Variants in OLA1 observed in about 807,000 individuals in gnomAD.
OLA1 encodes Obg like ATPase 1.
Under a neutral mutation model 48.4 loss-of-function variants are expected in OLA1, and 14 were observed. That is an observed-to-expected ratio of 0.29 (90% CI 0.19 to 0.45). The LOEUF is 0.45. Ranked by LOEUF, OLA1 falls within the 20% of genes least tolerant of loss-of-function variation. The pLI, the probability that OLA1 is intolerant of heterozygous loss-of-function variation, is 1.00. For missense variants in OLA1, 325 were observed against 467.1 expected (o/e 0.70, Z 2.80); for synonymous variants, 127 against 150.4 (o/e 0.84, Z 1.14).
At chr2:174,231,900 G>C (rs1361386120) in intron 2 of OLA1, among the ~76,000 whole-genome samples, 15 of 152,202 alleles carry the variant, frequency 9.9e-5, no homozygotes. Flanking sequence ...CAAAGAATTT[G>C]AAAGTTTTGG....
chr2:174,123,986 T>C (rs1339481066), intron 5 of OLA1, among the ~76,000 whole-genome samples: 1 of 152,156 alleles, frequency 6.6e-6, no homozygotes, highest in African/African-American at 2.4e-5. Flanking sequence ...TACCTAGTGA[T>C]GCCATATAGA....
intron 4 of OLA1, among the ~76,000 whole-genome samples, chr2:174,152,788 C>G (rs10497416): frequency 0.012 from 1,886 of 152,174 alleles, 45 homozygotes; most frequent in African/African-American, 0.043. Context: ...AGATATCAAT[C>G]AAAAGTAACT....
intron 4 of OLA1, among the ~76,000 whole-genome samples, chr2:174,186,593 G>A (rs1687660082): frequency 6.6e-6 from 1 of 152,146 alleles, no homozygotes; most frequent in South Asian, 2.1e-4. Flanking sequence ...AAAATGGCAC[G>A]TGTTGTACAG....
chr2:174,188,874 T>A (rs1049769933), intron 4 of OLA1, among the ~76,000 whole-genome samples: 1 of 152,224 alleles, frequency 6.6e-6, no homozygotes, highest in Non-Finnish European at 1.5e-5. Context: ...ATTATGTATA[T>A]GCAAATGTTC....
At chr2:174,247,848 C>T (rs1689161609) in intron 1 of OLA1, 1 of 1,497,302 alleles carries the variant, frequency 6.7e-7, no homozygotes, top group African/African-American at 1.4e-5. Context: ...CTAGTTCTGT[C>T]TCCAAATCAT....
intron 7 of OLA1, among the ~76,000 whole-genome samples, chr2:174,108,538 C>T (rs762523577): frequency 1.3e-5 from 2 of 152,140 alleles, no homozygotes; most frequent in African/African-American, 2.4e-5. Context: ...ATTATTCATA[C>T]ACCAAACCAC....
intron 7 of OLA1, among the ~76,000 whole-genome samples, chr2:174,082,432 A>G (rs1053516859): frequency 8.5e-5 from 13 of 152,202 alleles, no homozygotes; most frequent in Non-Finnish European, 1.5e-4. Flanking sequence ...AAAAGAAGAC[A>G]TAAAGTTCTG....
At position 174,229,417 on chromosome 2, in the gene OLA1, G is replaced by T; in HGVS notation, c.136C>A (p.Gln46Lys). ...AACGGGAAGTTTTCTGCTGAAGCCT[G>T]ACTATTGGTTAACACATTGAAGAAA... ...STFFNVLTNS[Q>K]ASAENFPFCT... is the part of the protein sequence containing the mutation. The change falls in exon 3 of 11, where the codon CAG (glutamine) becomes AAG (lysine). Residue 46 changes from glutamine (Q) to lysine (K), a missense_variant. By Grantham distance (53) the Gln-to-Lys change is moderately conservative. Transcript: ENST00000284719. 1 of 1,613,238 alleles carries T rather than the reference G, an allele frequency of 6.2e-7. No individual in the cohort carries two copies. The highest frequency in any genetic ancestry group is 1.1e-5 in the South Asian group (1 of 90,958).
At chr2:174,136,359 C>T (rs1169719728) in intron 5 of OLA1, among the ~76,000 whole-genome samples, 2 of 152,250 alleles carry the variant, frequency 1.3e-5, no homozygotes, top group Non-Finnish European at 2.9e-5. Flanking sequence ...ATTCTAAATC[C>T]TTTGTTGTCA....
chr2:174,234,930 G>A (rs1025114515), intron 2 of OLA1, among the ~76,000 whole-genome samples: 19 of 152,254 alleles, frequency 1.2e-4, no homozygotes, highest in African/African-American at 4.3e-4. Flanking sequence ...AGGCAGAGGC[G>A]GGCAGATCAC....
intron 4 of OLA1, among the ~76,000 whole-genome samples, chr2:174,163,754 AT>A (rs1157393493): frequency 4.4e-5 from 2 of 45,468 alleles, no homozygotes; most frequent in Non-Finnish European, 8.7e-5. Context: ...ATATATATAT[AT>A]ATATATATAT....
chr2:174,112,987 C>T lies in OLA1; in HGVS notation c.728+10193G>A, dbSNP rs541491961. 7.9e-5 allele frequency among the ~76,000 whole-genome samples: 12 copies of T among 152,252 alleles called. No homozygotes were observed. In the South Asian group the frequency reaches 2.5e-3, roughly 32 times the overall value. ...TGGAGATTCACTCTTGTTGCCCAGG[C>T]TGGAGTGCAATGGCATGATCTTGAC... On this transcript the variant is annotated intron_variant, in intron 7 of 10. Coordinates refer to ENST00000284719, the MANE Select transcript of OLA1 (RefSeq NM_013341.5).
chr2:174,241,148 C>T (rs1259055038), intron 2 of OLA1, among the ~76,000 whole-genome samples: 1 of 152,094 alleles, frequency 6.6e-6, no homozygotes, highest in Admixed American at 6.6e-5. Flanking sequence ...AGAGAAGTGC[C>T]CCAGACTTCC....
At chr2:174,145,287 T>G (rs1475065665) in intron 4 of OLA1, among the ~76,000 whole-genome samples, 3 of 152,134 alleles carry the variant, frequency 2.0e-5, no homozygotes, top group Admixed American at 2.0e-4. Flanking sequence ...AGTTTCAAGC[T>G]ATTCAATTCA....
At chr2:174,096,926 G>T (rs1421641649) in intron 7 of OLA1, among the ~76,000 whole-genome samples, 2 of 152,194 alleles carry the variant, frequency 1.3e-5, no homozygotes, top group Non-Finnish European at 2.9e-5. Context: ...GGGAAGCCAA[G>T]GCGGGCAGAT....
chr2:174,234,599 G>A (rs1472689692), intron 2 of OLA1, among the ~76,000 whole-genome samples: 1 of 152,000 alleles, frequency 6.6e-6, no homozygotes, highest in Non-Finnish European at 1.5e-5. Flanking sequence ...AAGCAGCTGG[G>A]ACTACACGTG....
chr2:174,144,946 A>T (rs1180631061), intron 4 of OLA1, among the ~76,000 whole-genome samples: 1 of 76,906 alleles, frequency 1.3e-5, no homozygotes, highest in Non-Finnish European at 2.6e-5. Flanking sequence ...AAAAAAAAAA[A>T]AAAAAATATA....
Position 174,229,463 on chromosome 2 carries a change from A to G in OLA1, c.102-12T>C, listed in dbSNP as rs1201537959. 2 of 1,599,432 alleles carry G rather than the reference A, an allele frequency of 1.3e-6. No homozygotes were observed. The highest frequency in any genetic ancestry group is 1.7e-6 in the Non-Finnish European group (2 of 1,174,086). On this transcript the variant is annotated splice_polypyrimidine_tract_variant and intron_variant, in intron 2 of 10. Coordinates refer to ENST00000284719, the MANE Select transcript of OLA1 (RefSeq NM_013341.5). ...AGAAAGTAGATTTCCTAAAACAAATAAAAGCAATTTCAATCAATTCTTAGG... is the reference window on the plus strand; with the variant it reads ...AGAAAGTAGATTTCCTAAAACAAATGAAAGCAATTTCAATCAATTCTTAGG...
intron 4 of OLA1, among the ~76,000 whole-genome samples, chr2:174,214,179 A>G (rs574841991): frequency 6.6e-6 from 1 of 152,086 alleles, no homozygotes; most frequent in East Asian, 1.9e-4. Flanking sequence ...CTAAAAATTC[A>G]AAAATTGGCC....
Sources: allele counts gnomAD v4.1 joint callset (sites outside exome capture counted in the v4.1 genomes callset), GRCh38; gene constraint gnomAD v4.1.1; transcripts MANE v1.5; gene names NCBI Gene and HGNC (gene_info 2026-07-23, HGNC 2026-07-21).